DTD1: variants seen among roughly 807,000 people sequenced by gnomAD.
DTD1 encodes the protein D-aminoacyl-tRNA deacylase 1.
A neutral mutation model predicts 25.6 loss-of-function variants in DTD1; 13 were observed. The ratio of observed to expected loss-of-function variants is 0.51; its 90% CI spans 0.33 to 0.81. The LOEUF is 0.81. DTD1 is among the 30% of genes least tolerant of loss of function. The probability of loss-of-function intolerance (pLI) is 0.02; values close to 1 mark genes in which losing one functional copy is unlikely to be tolerated. For synonymous variants in DTD1, 110 were observed against 103.6 expected, an observed-to-expected ratio of 1.06 and a Z score of -0.37; for missense variants, 193 against 266.4, an observed-to-expected ratio of 0.72 and a Z score of 1.92.
chr20:18,662,769 T>G (rs1316680770), intron 4 of DTD1, among the ~76,000 whole-genome samples: 1 of 152,202 alleles, frequency 6.6e-6, no homozygotes, highest in Non-Finnish European at 1.5e-5. Flanking sequence ...TTGTTCCACT[T>G]TCCTTTTAAA....
At chr20:18,673,340 TATCTATGAATC>T (rs2060957744) in intron 4 of DTD1, among the ~76,000 whole-genome samples, 1 of 152,230 alleles carries the variant, frequency 6.6e-6, no homozygotes, top group Non-Finnish European at 1.5e-5. Context: ...TGGTAGAATA[TATCTATGAATC>T]ATATTTTCTT....
intron 4 of DTD1, among the ~76,000 whole-genome samples, chr20:18,665,349 G>C (rs1337632146): frequency 6.6e-6 from 1 of 152,212 alleles, no homozygotes; most frequent in Non-Finnish European, 1.5e-5. Flanking sequence ...CATCTGCCTA[G>C]TGCTCCACTG....
intron 4 of DTD1, among the ~76,000 whole-genome samples, chr20:18,708,275 A>ATT (rs373050022): frequency 6.3e-5 from 1 of 15,792 alleles, no homozygotes; most frequent in Non-Finnish European, 1.3e-4. Context: ...TTATATATAT[A>ATT]TAATATATAT....
intron 4 of DTD1, among the ~76,000 whole-genome samples, chr20:18,701,754 C>A (rs1054067139): frequency 3.3e-5 from 5 of 152,248 alleles, no homozygotes; most frequent in Non-Finnish European, 7.3e-5. Context: ...TCAGTAAATA[C>A]TAACTGACAC....
chr20:18,603,714 C>T (rs2060645644), intron 3 of DTD1, among the ~76,000 whole-genome samples: 1 of 133,602 alleles, frequency 7.5e-6, no homozygotes, highest in Non-Finnish European at 1.6e-5. Context: ...TAAAGACGTT[C>T]TTTGAAACCA....
intron 4 of DTD1, among the ~76,000 whole-genome samples, chr20:18,670,489 T>C (rs1310752408): frequency 6.6e-6 from 1 of 152,184 alleles, no homozygotes; most frequent in Non-Finnish European, 1.5e-5. Context: ...TCATTTCCAT[T>C]TGACTTCTCA....
chr20:18,588,220 C>G (rs1288494391), intron 1 of DTD1, 105 bp downstream of exon 1: 34 of 1,056,710 alleles, frequency 3.2e-5, no homozygotes, highest in Non-Finnish European at 4.1e-5. Context: ...CGCTGCGGCC[C>G]CTCCGCGAGC....
chr20:18,658,190 TGTGTGTG>T (rs2060897587), intron 4 of DTD1, among the ~76,000 whole-genome samples: 1 of 8,244 alleles, frequency 1.2e-4, no homozygotes, highest in Non-Finnish European at 4.4e-4. Context: ...GAGTCTGAGA[TGTGTGTG>T]TGTGTGTGTG....
At chr20:18,622,835 G>A (rs2122300269) in intron 3 of DTD1, among the ~76,000 whole-genome samples, 1 of 151,988 alleles carries the variant, frequency 6.6e-6, no homozygotes, top group South Asian at 2.1e-4. Flanking sequence ...CTTGGCTGTT[G>A]CCAAGGAAGT....
chr20:18,710,222 G>A (rs879726334), intron 4 of DTD1, among the ~76,000 whole-genome samples: 2 of 152,030 alleles, frequency 1.3e-5, no homozygotes, highest in Non-Finnish European at 2.9e-5. Context: ...GACAGGTTAG[G>A]TATCATGTCT....
intron 4 of DTD1, among the ~76,000 whole-genome samples, chr20:18,708,387 A>T (rs1463525680): frequency 1.6e-5 from 2 of 125,656 alleles, no homozygotes; most frequent in African/African-American, 3.0e-5. Context: ...ACAAAGTCTC[A>T]CTCTGTCGCC....
At chr20:18,630,415 A>G (rs2060781012) in intron 4 of DTD1, 1 of 152,040 alleles carries the variant, frequency 6.6e-6, no homozygotes. Context: ...GCTGGAGTGC[A>G]GTGGCGCGAT....
chr20:18,724,281 G>A (rs775913304), intron 4 of DTD1, among the ~76,000 whole-genome samples: 3 of 152,184 alleles, frequency 2.0e-5, no homozygotes, highest in Non-Finnish European at 2.9e-5. Context: ...GTGGGGCAGC[G>A]TGGGCAGGTA....
intron 3 of DTD1, among the ~76,000 whole-genome samples, chr20:18,599,507 A>G (rs926114726): frequency 3.9e-5 from 6 of 152,174 alleles, no homozygotes; most frequent in African/African-American, 9.6e-5. Flanking sequence ...TTTTGTATGT[A>G]TATAAGTTTT....
At chr20:18,646,513 G>A (rs1568657348) in intron 4 of DTD1, among the ~76,000 whole-genome samples, 1 of 152,206 alleles carries the variant, frequency 6.6e-6, no homozygotes, top group Non-Finnish European at 1.5e-5. Flanking sequence ...GAAAAGAGGA[G>A]TAGCCTAAAG....
At chr20:18,679,356 T>TTA in intron 4 of DTD1, among the ~76,000 whole-genome samples, 1 of 152,324 alleles carries the variant, frequency 6.6e-6, no homozygotes, top group South Asian at 2.1e-4. Flanking sequence ...TCCCACCTTA[T>TTA]TATAGTCTGA....
intron 4 of DTD1, among the ~76,000 whole-genome samples, chr20:18,671,265 A>G (rs1259360336): frequency 1.3e-5 from 2 of 152,036 alleles, no homozygotes; most frequent in Non-Finnish European, 2.9e-5. Context: ...GGCTTATTTA[A>G]TTGAGAACAT....
At chr20:18,699,197 A>C (rs1163298988) in intron 4 of DTD1, among the ~76,000 whole-genome samples, 1 of 152,194 alleles carries the variant, frequency 6.6e-6, no homozygotes. Flanking sequence ...TTTAGTCTCT[A>C]AAAGCTTTCT....
chr20:18,635,912 C>T (rs1217954453), intron 4 of DTD1, among the ~76,000 whole-genome samples: 1 of 152,112 alleles, frequency 6.6e-6, no homozygotes. Context: ...GTTTTTTTCT[C>T]TTCTACTGGA....
Sources: allele counts gnomAD v4.1 joint callset (sites outside exome capture counted in the v4.1 genomes callset), GRCh38; gene constraint gnomAD v4.1.1; transcripts MANE v1.5; gene names NCBI Gene and HGNC (gene_info 2026-07-23, HGNC 2026-07-21).